PLEKHH2: variants seen among roughly 807,000 people sequenced by gnomAD.
PLEKHH2 encodes the protein pleckstrin homology domain-containing family H member 2.
Under a neutral mutation model 187.9 loss-of-function variants are expected in PLEKHH2, and 129 were observed. That is an observed-to-expected ratio of 0.69 (90% CI 0.59 to 0.79). PLEKHH2 has a LOEUF of 0.79. Among genes scored for constraint, PLEKHH2 ranks in the 30% least tolerant of loss-of-function variants. PLEKHH2 has a pLI of 0.00. For synonymous variants in PLEKHH2, 686 were observed against 605.6 expected (o/e 1.13, Z -1.95); for missense variants, 2,076 against 1,751.2 (o/e 1.19, Z -3.31).
At chr2:43,697,393 T>A (rs753259494) in intron 7 of PLEKHH2, 37 bp downstream of exon 7, 16 of 1,515,182 alleles carry the variant, frequency 1.1e-5, no homozygotes, top group African/African-American at 1.4e-5. Context: ...TTGGCATTTT[T>A]TAAAAAGGAA....
chr2:43,680,259 A>T (rs1668100007), intron 3 of PLEKHH2, among the ~76,000 whole-genome samples: 1 of 152,242 alleles, frequency 6.6e-6, no homozygotes, highest in Non-Finnish European at 1.5e-5. Flanking sequence ...ATTTTCATAA[A>T]GCTAGAAGAG....
intron 2 of PLEKHH2, chr2:43,676,372 G>T: frequency 1.4e-6 from 2 of 1,442,936 alleles, no homozygotes; most frequent in South Asian, 2.7e-5. Flanking sequence ...CCTGGGACCG[G>T]GTCCTGGGGT....
Position 43,680,266 on chromosome 2 carries a change from A to G in PLEKHH2, c.186+1341A>G, listed in dbSNP as rs138854163. 7.9e-3 allele frequency among the ~76,000 whole-genome samples: 1,197 copies of G among 152,346 alleles called. 16 individuals are homozygous for G. The highest frequency in any genetic ancestry group is 0.027 in the African/African-American group (1,143 of 41,590). On this transcript the variant is annotated intron_variant, in intron 3 of 29. Transcript: ENST00000282406. ...CTTTCTATATTTTCATAAAGCTAGAAGAGAGGATTTTGAATGTTCACAACA... is the reference window on the plus strand; with the variant it reads ...CTTTCTATATTTTCATAAAGCTAGAGGAGAGGATTTTGAATGTTCACAACA...
At chr2:43,733,930 G>A (rs965507914) in intron 19 of PLEKHH2, among the ~76,000 whole-genome samples, 1 of 152,108 alleles carries the variant, frequency 6.6e-6, no homozygotes, top group Non-Finnish European at 1.5e-5. Context: ...AGATGATGTG[G>A]TCAATTTTAT....
intron 14 of PLEKHH2, chr2:43,711,632 C>A: frequency 1.1e-6 from 1 of 926,920 alleles, no homozygotes; most frequent in Non-Finnish European, 1.3e-6. Flanking sequence ...TGGCTCACGC[C>A]TGTAATCTCA....
At position 43,707,518 on chromosome 2, in the gene PLEKHH2, C is replaced by T. The variant is rs1486166207; in HGVS notation, c.1939C>T (p.Pro647Ser). 1 of 1,613,936 alleles carries T rather than the reference C, an allele frequency of 6.2e-7. No individual in the cohort carries two copies. The highest frequency in any genetic ancestry group is 8.5e-7 in the Non-Finnish European group (1 of 1,179,974). Reference protein sequence around the residue: ...SESDSRSRSGPGSPRAMKRGV... With the variant: ...SESDSRSRSGSGSPRAMKRGV... ...GTCAGACTCACGCAGTAGGAGTGGG[C>T]CAGGCAGCCCCAGAGCCATGAAACG... Residue 647 changes from proline to serine, a missense_variant, in exon 11 of 30, where the codon CCA (proline) becomes TCA (serine). Coordinates refer to ENST00000282406, the MANE Select transcript of PLEKHH2 (RefSeq NM_172069.4).
At chr2:43,657,111 T>G (rs972195063) in intron 2 of PLEKHH2, among the ~76,000 whole-genome samples, 9 of 152,190 alleles carry the variant, frequency 5.9e-5, no homozygotes, top group African/African-American at 2.2e-4. Context: ...CTGTTGGTGG[T>G]TCTTTTACTC....
At chr2:43,677,848 TC>T (rs1407647437) in intron 2 of PLEKHH2, among the ~76,000 whole-genome samples, 1 of 143,564 alleles carries the variant, frequency 7.0e-6, no homozygotes, top group Non-Finnish European at 1.5e-5. Context: ...CCCACCTCCC[TC>T]CCGGACGGGG....
At chr2:43,650,650 C>CT (rs111734015) in intron 2 of PLEKHH2, among the ~76,000 whole-genome samples, 7,695 of 141,404 alleles carry the variant, frequency 0.054, 465 homozygotes, top group African/African-American at 0.15. Context: ...TTTCTTTTTT[C>CT]TTTTTTTTTT....
chr2:43,681,031 A>G, intron 3 of PLEKHH2: 1 of 1,281,650 alleles, frequency 7.8e-7, no homozygotes, highest in Non-Finnish European at 1.1e-6. Flanking sequence ...TCAGAATGCC[A>G]ACTGGAATTC....
chr2:43,679,414 A>G lies in PLEKHH2; in HGVS notation c.186+489A>G, dbSNP rs940972818. ...AAAGTCAAACCTAAGAGTTAAAAAA[A>G]AAGGCTGAGAGGAAACACCCCAAAA... On this transcript the variant is annotated intron_variant, in intron 3 of 29. Transcript: ENST00000282406. The G allele has an allele frequency of 3.0e-4, 86 of 288,750 alleles. 1 individual carries two copies. The highest frequency in any genetic ancestry group is 1.3e-3 in the Middle Eastern group (1 of 748). 17.9% of individuals were successfully genotyped at this position (288,750 alleles called of 1,614,324 possible). A position where few individuals can be genotyped will look rare whatever the true frequency, so the allele number is the denominator to read the frequency against.
chr2:43,727,816 T>C lies in PLEKHH2; in HGVS notation c.2721+1365T>C, dbSNP rs79363442. Among the ~76,000 whole-genome samples the C allele has an allele frequency of 7.4e-3, 1,120 of 152,284 alleles. 15 individuals are homozygous for C. The highest frequency in any genetic ancestry group is 0.026 in the African/African-American group (1,062 of 41,558). On this transcript the variant is annotated intron_variant, in intron 17 of 29. Transcript: ENST00000282406. ...CCTATCTCTAACCACAGAGCCTGTG[T>C]TCCTGAACACTTGCCTCTGCTACCT... is the stretch of plus-strand genomic sequence containing the variant.
intron 27 of PLEKHH2, among the ~76,000 whole-genome samples, chr2:43,759,957 G>A (rs752376395): frequency 3.4e-4 from 51 of 152,094 alleles, no homozygotes; most frequent in African/African-American, 1.2e-3. Context: ...ATTATTGATA[G>A]GTGAGAATTA....
chr2:43,750,462 C>T (rs1261490469), intron 24 of PLEKHH2, among the ~76,000 whole-genome samples: 1 of 149,440 alleles, frequency 6.7e-6, no homozygotes. Flanking sequence ...GTCTGGGTGA[C>T]AGAGCGAGAC....
intron 27 of PLEKHH2, among the ~76,000 whole-genome samples, chr2:43,759,259 A>G (rs1026838140): frequency 6.6e-6 from 1 of 152,210 alleles, no homozygotes; most frequent in East Asian, 1.9e-4. Context: ...TAGGTGAATC[A>G]TGAGTCCTAA....
intron 15 of PLEKHH2, among the ~76,000 whole-genome samples, chr2:43,714,011 T>C (rs1670093907): frequency 1.3e-5 from 2 of 152,216 alleles, no homozygotes; most frequent in African/African-American, 4.8e-5. Context: ...AATGTTTTCT[T>C]AGTTACTGAT....
intron 3 of PLEKHH2, among the ~76,000 whole-genome samples, chr2:43,683,544 T>G (rs1312116941): frequency 6.6e-6 from 1 of 152,194 alleles, no homozygotes; most frequent in Non-Finnish European, 1.5e-5. Context: ...GGGTCTTTTT[T>G]CCTTTTTTCT....
intron 15 of PLEKHH2, 64 bp from the exon 16 acceptor site, chr2:43,720,605 A>G: frequency 3.2e-6 from 5 of 1,587,104 alleles, no homozygotes; most frequent in Non-Finnish European, 4.3e-6. Context: ...TAGGGTGTAT[A>G]AGCTATAATT....
At position 43,700,478 on chromosome 2, in the gene PLEKHH2, G is replaced by T; in HGVS notation, c.1520G>T (p.Cys507Phe). The T allele has an allele frequency of 6.2e-7, 1 of 1,614,082 alleles. No individual in the cohort carries two copies. Among genetic ancestry groups the T allele is most frequent in the Non-Finnish European group, 8.5e-7 (1 of 1,180,014 alleles). The change falls in exon 8 of 30, where the codon TGT becomes TTT. Residue 507 changes from cysteine (C) to phenylalanine (F), a missense_variant. Physicochemically the swap from Cys to Phe is radical, Grantham distance 205. Coordinates refer to ENST00000282406, the MANE Select transcript of PLEKHH2 (RefSeq NM_172069.4). The stretch of plus-strand genomic sequence containing the variant: ...GTTTTAGAGAATATGGACACGAGTT[G>T]TGATGATGGATTATTTTCCTATGAC... Reference protein sequence around the residue: ...TEVLENMDTSCDDGLFSYDSL... With the variant: ...TEVLENMDTSFDDGLFSYDSL...
Sources: gnomAD v4.1 joint callset for allele counts (sites outside exome capture counted in the v4.1 genomes callset) on GRCh38, gnomAD v4.1.1 for gene constraint, MANE v1.5 for transcripts, NCBI Gene and HGNC (gene_info 2026-07-23, HGNC 2026-07-21) for gene names.